LYST: variants seen among roughly 807,000 people sequenced by gnomAD.
LYST encodes the protein lysosomal-trafficking regulator.
A neutral mutation model predicts 413.6 loss-of-function variants in LYST; 192 were observed. That is an observed-to-expected ratio of 0.46 (90% CI 0.41 to 0.52). LYST has a LOEUF of 0.52. Ranked by LOEUF, LYST falls within the 20% of genes least tolerant of loss-of-function variation. The probability of loss-of-function intolerance (pLI) is 0.00; values close to 1 mark genes in which losing one functional copy is unlikely to be tolerated. For synonymous variants in LYST, 1,525 were observed against 1,567.3 expected (o/e 0.97, Z 0.64); for missense variants, 3,815 against 4,499.9 (o/e 0.85, Z 4.35).
chr1:235,776,837 T>C (rs1484191081), intron 17 of LYST, among the ~76,000 whole-genome samples: 1 of 152,174 alleles, frequency 6.6e-6, no homozygotes, highest in Non-Finnish European at 1.5e-5. Context: ...ATTGTACTAA[T>C]TACATTTTTG....
chr1:235,741,955 G>T (rs1665437895), intron 30 of LYST, among the ~76,000 whole-genome samples: 1 of 152,154 alleles, frequency 6.6e-6, no homozygotes, highest in Admixed American at 6.6e-5. Flanking sequence ...TCTGACACAT[G>T]CTACAACATG....
At chr1:235,742,878 G>A (rs981023707) in intron 30 of LYST, among the ~76,000 whole-genome samples, 11 of 151,230 alleles carry the variant, frequency 7.3e-5, no homozygotes, top group African/African-American at 2.7e-4. Context: ...GTTAAGTACC[G>A]TATAATAAGG....
intron 28 of LYST, among the ~76,000 whole-genome samples, chr1:235,748,282 T>C (rs985479533): frequency 6.6e-6 from 1 of 152,148 alleles, no homozygotes; most frequent in African/African-American, 2.4e-5. Flanking sequence ...TCTACCTTCA[T>C]GCATTAAGGG....
At chr1:235,735,522 C>T (rs1189863459) in intron 31 of LYST, 1 of 152,096 alleles carries the variant, frequency 6.6e-6, no homozygotes, top group East Asian at 1.9e-4. Context: ...TTAAGTGGCC[C>T]TTACATGCTG....
chr1:235,729,255 T>C (rs2103200146), intron 37 of LYST, among the ~76,000 whole-genome samples: 1 of 152,350 alleles, frequency 6.6e-6, no homozygotes, highest in Non-Finnish European at 1.5e-5. Context: ...TGGACAGTTA[T>C]ATCTGATAAA....
rs116107364 is a variant in LYST at position 235,687,314 on chromosome 1, G to A, written c.10702-267C>T. Among the ~76,000 whole-genome samples, 1,408 of 152,132 alleles carry A rather than the reference G, an allele frequency of 9.3e-3. 24 individuals carry two copies. Among genetic ancestry groups the A allele is most frequent in the African/African-American group, 0.032 (1,320 of 41,508 alleles). ...TCTATGTCTATACGTGCCTGTGTGT[G>A]GATATATGTGTATATATATTTAGAT... On this transcript the variant is annotated intron_variant, in intron 47 of 52. Coordinates refer to ENST00000389793, the MANE Select transcript of LYST (RefSeq NM_000081.4).
At chr1:235,775,381 C>G (rs1669130949) in intron 17 of LYST, among the ~76,000 whole-genome samples, 1 of 151,944 alleles carries the variant, frequency 6.6e-6, no homozygotes, top group Non-Finnish European at 1.5e-5. Flanking sequence ...ATAAGTTAGT[C>G]AATAGACAGG....
chr1:235,668,078 C>G (rs1398905960), intron 50 of LYST, among the ~76,000 whole-genome samples: 3 of 152,106 alleles, frequency 2.0e-5, no homozygotes, highest in Admixed American at 6.6e-5. Flanking sequence ...AAAGTCTGTA[C>G]ATACTAAGTA....
intron 45 of LYST, 152 bp from the exon 46 acceptor site, chr1:235,697,424 C>T: frequency 1.6e-6 from 1 of 629,024 alleles, no homozygotes; most frequent in Middle Eastern, 4.3e-4. Context: ...TTTTTACTTC[C>T]CCATGCTTAG....
At chr1:235,665,641 G>A (rs1658382470) in intron 50 of LYST, among the ~76,000 whole-genome samples, 1 of 143,154 alleles carries the variant, frequency 7.0e-6, no homozygotes, top group Admixed American at 6.9e-5. Flanking sequence ...AGTGACTTAT[G>A]TGACTTTTGA....
intron 25 of LYST, among the ~76,000 whole-genome samples, chr1:235,754,185 T>C (rs1314138621): frequency 2.0e-5 from 3 of 151,736 alleles, no homozygotes; most frequent in Non-Finnish European, 4.4e-5. Flanking sequence ...CTTTATGTAA[T>C]CTGTCACTGA....
intron 20 of LYST, among the ~76,000 whole-genome samples, chr1:235,767,066 G>A (rs1668216663): frequency 6.6e-6 from 1 of 151,968 alleles, no homozygotes; most frequent in East Asian, 1.9e-4. Flanking sequence ...TCTTTCTACT[G>A]CACCATTTAC....
intron 24 of LYST, among the ~76,000 whole-genome samples, 166 bp from the exon 25 acceptor site, chr1:235,755,813 T>G (rs1413090047): frequency 6.6e-6 from 1 of 152,160 alleles, no homozygotes; most frequent in Non-Finnish European, 1.5e-5. Flanking sequence ...TGAATTTGTC[T>G]TTGGCTACTG....
Position 235,800,366 on chromosome 1 carries a change from T to C in LYST, c.3960A>G (p.Leu1320=). ...LMQQGTVKNL[L]GGFLSILTQD... ...GTGTTAAAATACTCAAGAACCCTCC[T>C]AAAAGATTTTTCACAGTTCCCTGAA... The change falls in exon 10 of 53, where the codon TTA becomes TTG. Residue 1320 remains leucine, a synonymous_variant. Coordinates refer to ENST00000389793, the MANE Select transcript of LYST (RefSeq NM_000081.4). 10 of 1,591,878 alleles carry C rather than the reference T, an allele frequency of 6.3e-6. No individual in the cohort carries two copies. Among genetic ancestry groups the C allele is most frequent in the Non-Finnish European group, 8.6e-6 (10 of 1,160,016 alleles).
Position 235,804,573 on chromosome 1 carries a change from A to G in LYST, c.3486T>C (p.Asp1162=). 4.3e-6 allele frequency: 7 copies of G among 1,612,126 alleles called. No homozygotes were observed. The highest frequency in any genetic ancestry group is 5.9e-6 in the Non-Finnish European group (7 of 1,178,156). Reference sequence around the variant, plus strand: ...TCCCGAGGGCAACTCGAAGCAGGGCATCAAATAAAGGCTTTGCTAGTTGTG... The same window carrying G: ...TCCCGAGGGCAACTCGAAGCAGGGCGTCAAATAAAGGCTTTGCTAGTTGTG... ...IETQLAKPLF[D]ALLRVALGNY... is the part of the protein sequence containing the mutation. The change falls in exon 7 of 53, where the codon GAT becomes GAC. Residue 1162 remains aspartate, a synonymous_variant. Coordinates refer to ENST00000389793, the MANE Select transcript of LYST (RefSeq NM_000081.4).
rs973602662 is a variant in LYST, at chr1:235,827,723, G to T, written c.192+2503C>A. ...CAGATATTCCAAAAAGTGACTAGGTGGAAAGAAGGGATTAAAAAATACCAC... is the reference window on the plus strand; with the variant it reads ...CAGATATTCCAAAAAGTGACTAGGTTGAAAGAAGGGATTAAAAAATACCAC... On this transcript the variant is annotated intron_variant, in intron 3 of 52. Coordinates refer to ENST00000389793, the MANE Select transcript of LYST (RefSeq NM_000081.4). 18 of 974,142 alleles carry T rather than the reference G, an allele frequency of 1.8e-5. No individual in the cohort carries two copies. The African/African-American group carries it at 3.2e-4, about 17-fold the overall frequency. 60.3% of individuals were successfully genotyped at this position (974,142 alleles called of 1,614,324 possible). A position where few individuals can be genotyped will look rare whatever the true frequency, so the allele number is the denominator to read the frequency against.
At position 235,664,676 on chromosome 1, in the gene LYST, A is replaced by C; in HGVS notation, c.11039-55T>G. On this transcript the variant is annotated intron_variant, in intron 50 of 52. Coordinates refer to ENST00000389793, the MANE Select transcript of LYST (RefSeq NM_000081.4). This position sits in a 1 kb window ranked among gnomAD's most constrained non-coding sequence, Gnocchi z 4.5. ...CCAGAATGTGGCTGTCTCAGAGCCC[A>C]CATTTGGCCCCAGAAGGGCAACCCT... is the stretch of plus-strand genomic sequence containing the variant. 1.9e-6 allele frequency: 3 copies of C among 1,596,082 alleles called. No homozygotes were observed. The highest frequency in any genetic ancestry group is 2.7e-5 in the African/African-American group (2 of 74,520).
At chr1:235,803,561 T>C (rs748735840) in intron 7 of LYST, among the ~76,000 whole-genome samples, 7 of 152,116 alleles carry the variant, frequency 4.6e-5, no homozygotes, top group Non-Finnish European at 8.8e-5. Flanking sequence ...ATAACAAGCA[T>C]CTCAGAAGTC....
chr1:235,770,130 T>G (rs1668524410), intron 20 of LYST, 30 bp downstream of exon 20: 1 of 1,608,658 alleles, frequency 6.2e-7, no homozygotes, highest in African/African-American at 1.3e-5. Flanking sequence ...GTGGAATATA[T>G]TTCCAAAAGT....
Sources: gnomAD v4.1 joint callset for allele counts (sites outside exome capture counted in the v4.1 genomes callset) on GRCh38, gnomAD v4.1.1 for gene constraint, Gnocchi (gnomAD v3.1) non-coding constraint, MANE v1.5 for transcripts, NCBI Gene and HGNC (gene_info 2026-07-23, HGNC 2026-07-21) for gene names.